TEX9: variants seen among roughly 807,000 people sequenced by gnomAD.
TEX9 encodes testis-expressed protein 9.
Under a neutral mutation model 59.6 loss-of-function variants are expected in TEX9, and 74 were observed. That is an observed-to-expected ratio of 1.24 (90% CI 1.03 to 1.51). The LOEUF (loss-of-function observed/expected upper bound fraction) is 1.51, where lower values mean the gene tolerates loss of function less well. TEX9 is among the 40% of genes most tolerant of loss of function. The pLI, the probability that TEX9 is intolerant of heterozygous loss-of-function variation, is 0.00. For synonymous variants in TEX9, 186 were observed against 152.2 expected, an observed-to-expected ratio of 1.22 and a Z score of -1.64; for missense variants, 522 against 447.8, an observed-to-expected ratio of 1.17 and a Z score of -1.49.
intron 1 of TEX9, among the ~76,000 whole-genome samples, chr15:56,287,201 ATAATTACT>A (rs2044975102): frequency 6.6e-6 from 1 of 152,172 alleles, no homozygotes. Context: ...ATGCTATATA[ATAATTACT>A]TAAATACTAG....
intron 1 of TEX9, among the ~76,000 whole-genome samples, chr15:56,255,702 A>C (rs1210323955): frequency 6.6e-6 from 1 of 152,112 alleles, no homozygotes; most frequent in Non-Finnish European, 1.5e-5. Flanking sequence ...AAATCTAAGA[A>C]TATAACATCA....
intron 1 of TEX9, among the ~76,000 whole-genome samples, chr15:56,360,382 G>A (rs1217348462): frequency 6.6e-6 from 1 of 152,138 alleles, no homozygotes; most frequent in East Asian, 1.9e-4. Context: ...GAAGGTTATT[G>A]ACTCAATGTC....
chr15:56,287,000 A>G (rs971147889), intron 1 of TEX9, among the ~76,000 whole-genome samples: 4 of 152,198 alleles, frequency 2.6e-5, no homozygotes, highest in African/African-American at 7.2e-5. Context: ...TCCAATTTGA[A>G]CAGAGTGGTT....
At chr15:56,333,892 A>T (rs982583022) in intron 1 of TEX9, among the ~76,000 whole-genome samples, 3 of 152,184 alleles carry the variant, frequency 2.0e-5, no homozygotes, top group Non-Finnish European at 1.5e-5. Flanking sequence ...TCTGAAAAAG[A>T]TATCAAGAAA....
chr15:56,365,787 C>A, intron 2 of TEX9, 117 bp downstream of exon 2: 1 of 1,483,176 alleles, frequency 6.7e-7, no homozygotes, highest in Non-Finnish European at 8.9e-7. Context: ...TGCAGCATTC[C>A]CTTCTCGTCA....
At chr15:56,287,687 C>T (rs1303930395) in intron 1 of TEX9, among the ~76,000 whole-genome samples, 1 of 151,944 alleles carries the variant, frequency 6.6e-6, no homozygotes, top group Non-Finnish European at 1.5e-5. Flanking sequence ...CCATATAACC[C>T]CATCAGACTC....
At chr15:56,307,439 T>C (rs529166401) in intron 1 of TEX9, among the ~76,000 whole-genome samples, 1 of 152,304 alleles carries the variant, frequency 6.6e-6, no homozygotes, top group Non-Finnish European at 1.5e-5. Flanking sequence ...CTGCCAGGAC[T>C]GACGAGATAA....
intron 1 of TEX9, among the ~76,000 whole-genome samples, chr15:56,321,456 A>G (rs2045901185): frequency 6.6e-6 from 1 of 152,210 alleles, no homozygotes; most frequent in Non-Finnish European, 1.5e-5. Flanking sequence ...ATTCAACAAC[A>G]GTTATTCAGT....
At chr15:56,417,986 A>G (rs930637579) in intron 10 of TEX9, among the ~76,000 whole-genome samples, 2 of 151,720 alleles carry the variant, frequency 1.3e-5, no homozygotes, top group African/African-American at 4.9e-5. Flanking sequence ...TTTGTCTGAA[A>G]TTAGAATTGC....
chr15:56,305,512 G>A (rs2045460625), intron 1 of TEX9, among the ~76,000 whole-genome samples: 1 of 152,014 alleles, frequency 6.6e-6, no homozygotes, highest in South Asian at 2.1e-4. Context: ...TGCCAAGAAC[G>A]TACAATGGGG....
Position 56,257,755 on chromosome 15 carries a change from C to T in TEX9, c.-107+13477C>T, listed in dbSNP as rs147729327. Reference sequence around the variant, plus strand: ...TCTGCCGGTTTTCTGTTTACTCTGTCGATAGTTTCTTTTGCTGTGCAGAGG... The same window carrying T: ...TCTGCCGGTTTTCTGTTTACTCTGTTGATAGTTTCTTTTGCTGTGCAGAGG... On this transcript the variant is annotated intron_variant, in intron 1 of 5. Coordinates refer to the TEX9 transcript ENST00000560827. 8.8e-4 allele frequency among the ~76,000 whole-genome samples: 134 copies of T among 151,936 alleles called. 1 individual carries two copies. The highest frequency in any genetic ancestry group is 1.6e-3 in the Non-Finnish European group (106 of 67,854).
intron 10 of TEX9, among the ~76,000 whole-genome samples, chr15:56,414,173 T>C (rs1009774157): frequency 3.3e-5 from 5 of 151,854 alleles, no homozygotes; most frequent in Non-Finnish European, 7.4e-5. Context: ...AGTTCACATA[T>C]TAAGAAAACA....
At chr15:56,337,205 C>T (rs2046273842) in intron 1 of TEX9, among the ~76,000 whole-genome samples, 1 of 152,138 alleles carries the variant, frequency 6.6e-6, no homozygotes, top group Non-Finnish European at 1.5e-5. Context: ...TATTTCCCTC[C>T]TGTTCCACAC....
chr15:56,382,265 C>T (rs1567111483), intron 3 of TEX9, among the ~76,000 whole-genome samples: 1 of 152,152 alleles, frequency 6.6e-6, no homozygotes, highest in Non-Finnish European at 1.5e-5. Flanking sequence ...GAGTGGGCTC[C>T]CCTCTGGCCC....
chr15:56,416,209 T>C (rs1373147475), intron 10 of TEX9, among the ~76,000 whole-genome samples: 5 of 151,744 alleles, frequency 3.3e-5, no homozygotes, highest in Admixed American at 3.3e-4. Flanking sequence ...GCCCTCTCTT[T>C]ATTTCTCTTG....
chr15:56,425,722 A>G (rs2050206106), intron 10 of TEX9, among the ~76,000 whole-genome samples: 1 of 152,134 alleles, frequency 6.6e-6, no homozygotes, highest in Middle Eastern at 3.2e-3. Context: ...TTTAGGATAC[A>G]CTTCTGGATA....
At chr15:56,445,000 CTTA>C (rs1346675573) in intron 12 of TEX9, among the ~76,000 whole-genome samples, 1 of 152,010 alleles carries the variant, frequency 6.6e-6, no homozygotes, top group Non-Finnish European at 1.5e-5. Flanking sequence ...CAGTCATTAT[CTTA>C]TTATTCTATT....
At chr15:56,447,389 A>T (rs527634939), downstream of TEX9, 1 of 154,394 alleles carries the variant, frequency 6.5e-6, no homozygotes, top group East Asian at 1.9e-4. Flanking sequence ...CAATTTGGAA[A>T]GTACTAATAT....
At chr15:56,244,292 C>G (rs1330213760) in intron 1 of TEX9, 5 of 152,320 alleles carry the variant, frequency 3.3e-5, no homozygotes, top group Non-Finnish European at 5.9e-5. Flanking sequence ...AGACGATAAA[C>G]TGACTTTTCA....
Sources: gnomAD v4.1 joint callset for allele counts (sites outside exome capture counted in the v4.1 genomes callset) on GRCh38, gnomAD v4.1.1 for gene constraint, MANE v1.5 for transcripts, NCBI Gene and HGNC (gene_info 2026-07-23, HGNC 2026-07-21) for gene names.